CFAP299: variants seen among roughly 807,000 people sequenced by gnomAD.
The protein encoded by CFAP299 is cilia- and flagella-associated protein 299.
CFAP299 carries 21 observed loss-of-function variants against 27.0 expected under a neutral mutation model. The observed-to-expected ratio is 0.78, with a 90% confidence interval of 0.55 to 1.12. The LOEUF (loss-of-function observed/expected upper bound fraction) is 1.12, where lower values mean the gene tolerates loss of function less well. Among genes scored for constraint, CFAP299 ranks in the 50% most tolerant of loss-of-function variants. CFAP299 has a pLI of 0.00. For synonymous variants in CFAP299, 104 were observed against 98.1 expected, an observed-to-expected ratio of 1.06 and a Z score of -0.36; for missense variants, 310 against 276.6, an observed-to-expected ratio of 1.12 and a Z score of -0.86.
intron 3 of CFAP299, among the ~76,000 whole-genome samples, chr4:80,715,644 A>T (rs1012555985): frequency 6.6e-6 from 1 of 152,126 alleles, no homozygotes. Context: ...GAAATAAAAA[A>T]TTATTTTCAA....
intron 3 of CFAP299, among the ~76,000 whole-genome samples, chr4:80,677,675 C>G (rs922007099): frequency 2.6e-5 from 4 of 151,932 alleles, no homozygotes; most frequent in African/African-American, 9.7e-5. Flanking sequence ...TCATAAATAT[C>G]TAGTGCAAAC....
chr4:80,891,367 A>C (rs555001780), intron 4 of CFAP299, among the ~76,000 whole-genome samples: 34 of 152,050 alleles, frequency 2.2e-4, no homozygotes, highest in African/African-American at 7.7e-4. Flanking sequence ...GATCAACCCA[A>C]ATGTCCAACA....
intron 3 of CFAP299, among the ~76,000 whole-genome samples, chr4:80,636,770 A>G (rs991114848): frequency 2.6e-5 from 4 of 152,044 alleles, no homozygotes; most frequent in Non-Finnish European, 4.4e-5. Context: ...TCATTTACCT[A>G]TTTTCTATGG....
At chr4:80,670,047 G>C (rs1296134337) in intron 3 of CFAP299, among the ~76,000 whole-genome samples, 2 of 151,752 alleles carry the variant, frequency 1.3e-5, no homozygotes, top group Non-Finnish European at 2.9e-5. Flanking sequence ...GTGCAGGCTT[G>C]TTACATAGGT....
chr4:80,350,824 C>T (rs2109983862), intron 1 of CFAP299, among the ~76,000 whole-genome samples: 1 of 152,158 alleles, frequency 6.6e-6, no homozygotes, highest in African/African-American at 2.4e-5. Context: ...GGACAAATGG[C>T]TAATGCTTGC....
At chr4:80,786,815 C>T (rs1215458481) in intron 3 of CFAP299, among the ~76,000 whole-genome samples, 2 of 152,046 alleles carry the variant, frequency 1.3e-5, no homozygotes, top group East Asian at 1.9e-4. Flanking sequence ...CCTACCAATG[C>T]TTGAAGGGTT....
rs370263383 is a variant in CFAP299, at chr4:80,488,945, A to G, written c.243-94148A>G. 4.0e-3 allele frequency among the ~76,000 whole-genome samples: 609 copies of G among 152,282 alleles called. 2 individuals are homozygous for G. Among genetic ancestry groups the G allele is most frequent in the Middle Eastern group, 0.017 (5 of 294 alleles). On this transcript the variant is annotated intron_variant, in intron 2 of 5. Transcript: ENST00000358105. ...ACATGCTCTTTCTGGTGGCCTTCCTAGATGCTTCTGTACACAAGATCTTCT... is the reference window on the plus strand; with the variant it reads ...ACATGCTCTTTCTGGTGGCCTTCCTGGATGCTTCTGTACACAAGATCTTCT...
At chr4:80,872,765 G>A (rs1000706488) in intron 4 of CFAP299, 7 of 322,442 alleles carry the variant, frequency 2.2e-5, no homozygotes, top group Non-Finnish European at 3.1e-5. Flanking sequence ...TTTTCTTTCT[G>A]TGAAGTACCT....
At chr4:80,440,243 A>G (rs1578444938) in intron 2 of CFAP299, among the ~76,000 whole-genome samples, 1 of 152,294 alleles carries the variant, frequency 6.6e-6, no homozygotes, top group East Asian at 1.9e-4. Context: ...CCTGACCCCC[A>G]TGCCTCCTGA....
chr4:80,388,791 A>G, intron 2 of CFAP299: 1 of 441,068 alleles, frequency 2.3e-6, no homozygotes, highest in East Asian at 3.7e-5. Context: ...TGTTAGTCAT[A>G]CCTGCAAACA....
chr4:80,418,271 GTA>G (rs977002884), intron 2 of CFAP299, among the ~76,000 whole-genome samples: 19 of 151,644 alleles, frequency 1.3e-4, no homozygotes, highest in Admixed American at 1.1e-3. Flanking sequence ...GCTCTTCTGT[GTA>G]TATATACATG....
intron 3 of CFAP299, among the ~76,000 whole-genome samples, chr4:80,866,989 A>C (rs1732783526): frequency 6.6e-6 from 1 of 152,162 alleles, no homozygotes; most frequent in Non-Finnish European, 1.5e-5. Context: ...GTTTGTTTTC[A>C]AGTTCTTTAA....
At chr4:80,774,422 C>G (rs1345404861) in intron 3 of CFAP299, among the ~76,000 whole-genome samples, 1 of 151,784 alleles carries the variant, frequency 6.6e-6, no homozygotes, top group South Asian at 2.1e-4. Flanking sequence ...TGGCATGTAT[C>G]AATTTATATT....
intron 3 of CFAP299, among the ~76,000 whole-genome samples, chr4:80,830,427 T>C (rs991121081): frequency 2.6e-5 from 4 of 152,058 alleles, no homozygotes; most frequent in African/African-American, 7.2e-5. Context: ...TGAGGAGAGG[T>C]AGGTTTAGGC....
chr4:80,683,320 T>C (rs1044446595), intron 3 of CFAP299, among the ~76,000 whole-genome samples: 1 of 152,240 alleles, frequency 6.6e-6, no homozygotes, highest in South Asian at 2.1e-4. Flanking sequence ...AAGGTTCTTA[T>C]GCTTCTTGTT....
intron 2 of CFAP299, among the ~76,000 whole-genome samples, chr4:80,502,857 C>A (rs1267258322): frequency 1.3e-5 from 2 of 152,090 alleles, no homozygotes; most frequent in Non-Finnish European, 2.9e-5. Context: ...TTTCTTATCT[C>A]AGGACTCTGG....
intron 2 of CFAP299, among the ~76,000 whole-genome samples, chr4:80,476,164 C>T (rs1191634066): frequency 6.6e-6 from 1 of 152,198 alleles, no homozygotes; most frequent in African/African-American, 2.4e-5. Context: ...TCTCTTTACC[C>T]TCCTTAGCAC....
At chr4:80,495,760 T>C (rs1731402953) in intron 2 of CFAP299, among the ~76,000 whole-genome samples, 1 of 152,250 alleles carries the variant, frequency 6.6e-6, no homozygotes, top group African/African-American at 2.4e-5. Flanking sequence ...CTGCTGGCTG[T>C]ACAGGAAGCA....
chr4:80,769,185 G>A (rs550415072), intron 3 of CFAP299, among the ~76,000 whole-genome samples: 26 of 152,186 alleles, frequency 1.7e-4, no homozygotes, highest in African/African-American at 6.3e-4. Context: ...TGCTTAGTAG[G>A]TGCCTGACAT....
Sources: allele counts gnomAD v4.1 joint callset (sites outside exome capture counted in the v4.1 genomes callset), GRCh38; gene constraint gnomAD v4.1.1; transcripts MANE v1.5; gene names NCBI Gene and HGNC (gene_info 2026-07-23, HGNC 2026-07-21).